DDX50: variants seen among roughly 807,000 people sequenced by gnomAD.
DDX50 encodes the protein DExD-box helicase 50.
In DDX50, 56 loss-of-function variants were observed where a neutral mutation model predicts 94.8. That is an observed-to-expected ratio of 0.59 (90% CI 0.48 to 0.74). The LOEUF (loss-of-function observed/expected upper bound fraction) is 0.74, where lower values mean the gene tolerates loss of function less well. DDX50 is among the 30% of genes least tolerant of loss of function. The probability of loss-of-function intolerance (pLI) is 0.00; values close to 1 mark genes in which losing one functional copy is unlikely to be tolerated. For synonymous variants in DDX50, 264 were observed against 295.4 expected (o/e 0.89, Z 1.09); for missense variants, 713 against 881.2 (o/e 0.81, Z 2.42).
chr10:68,944,314 C>T (rs890688107), intron 14 of DDX50, among the ~76,000 whole-genome samples: 5 of 151,888 alleles, frequency 3.3e-5, no homozygotes, highest in Admixed American at 1.3e-4. Context: ...AAAAAGTATT[C>T]CTGTGTATAC....
Position 68,919,871 on chromosome 10 carries a change from G to A in DDX50, c.1129G>A (p.Val377Ile). ...IQCHWSQRPA[V>I]IGDVLQVYSG... ...GTGTCATTGGTCTCAGAGGCCAGCA[G>A]TTATTGGAGATGTCCTTCAAGTCTA... is the stretch of plus-strand genomic sequence containing the variant. Residue 377 changes from valine to isoleucine, a missense_variant, in exon 8 of 15, where the codon GTT (valine) becomes ATT (isoleucine). Around this residue, in one of 2 missense-constraint regions of DDX50, gnomAD observed 428 missense variants for 602.3 expected, o/e 0.71. Transcript: ENST00000373585. The A allele has an allele frequency of 6.2e-7, 1 of 1,613,942 alleles. No homozygotes were observed. The highest frequency in any genetic ancestry group is 8.5e-7 in the Non-Finnish European group (1 of 1,179,896).
intron 1 of DDX50, among the ~76,000 whole-genome samples, chr10:68,901,690 C>T (rs1347367221): frequency 6.6e-6 from 1 of 152,184 alleles, no homozygotes; most frequent in Non-Finnish European, 1.5e-5. Flanking sequence ...CTCTCCTCCG[C>T]GTGGCCCCTC....
At chr10:68,904,882 A>G (rs781555459) in intron 1 of DDX50, among the ~76,000 whole-genome samples, 2 of 152,254 alleles carry the variant, frequency 1.3e-5, no homozygotes, top group African/African-American at 2.4e-5. Context: ...ATATTGTTCA[A>G]TTCTCACAGC....
Position 68,936,058 on chromosome 10 carries a change from C to T in DDX50, c.1574C>T (p.Ser525Phe). 6.2e-7 allele frequency: 1 copy of T among 1,610,244 alleles called. No individual in the cohort carries two copies. Among genetic ancestry groups the T allele is most frequent in the Non-Finnish European group, 8.5e-7 (1 of 1,178,592 alleles). The change falls in exon 11 of 15, where the codon TCT becomes TTT. Residue 525 changes from serine (S) to phenylalanine (F), a missense_variant. Transcript: ENST00000373585. ...GVPSTMDLVK[S>F]KSMDAIRSLA... ...CCTTCTACAATGGATTTAGTTAAAT[C>T]TAAAAGCATGGATGCCATCAGGTAT... is the stretch of plus-strand genomic sequence containing the variant.
intron 2 of DDX50, 49 bp from the exon 3 acceptor site, chr10:68,910,258 A>G (rs1841585942): frequency 2.2e-6 from 3 of 1,395,104 alleles, no homozygotes; most frequent in Non-Finnish European, 3.0e-6. Flanking sequence ...ACAGTAAATG[A>G]GGAAGAGTTG....
rs531381180 is a variant in DDX50, at chr10:68,938,585, G to A, written c.1755+1490G>A. Among the ~76,000 whole-genome samples, 5 of 152,328 alleles carry A rather than the reference G, an allele frequency of 3.3e-5. No homozygotes were observed. In the South Asian group the frequency reaches 1.0e-3, roughly 32 times the overall value. On this transcript the variant is annotated intron_variant, in intron 12 of 14. Transcript: ENST00000373585. ...TTGGGCAGCACATCCCTGTGATGGG[G>A]AGGAGGAAACAAAAAGGGCAGGGCA...
intron 7 of DDX50, among the ~76,000 whole-genome samples, chr10:68,915,031 A>C (rs1841742845): frequency 1.3e-5 from 2 of 151,654 alleles, no homozygotes; most frequent in Admixed American, 1.3e-4. Flanking sequence ...AAAAAAAAAA[A>C]AAAAAACCAC....
At chr10:68,935,008 C>T in intron 10 of DDX50, 90 bp downstream of exon 10, 1 of 1,447,926 alleles carries the variant, frequency 6.9e-7, no homozygotes, top group Non-Finnish European at 9.1e-7. Flanking sequence ...AGTAGGTCTT[C>T]ATAACTTTTC....
intron 11 of DDX50, 51 bp from the exon 12 acceptor site, chr10:68,936,885 C>G: frequency 2.7e-6 from 4 of 1,486,512 alleles, no homozygotes; most frequent in Non-Finnish European, 3.6e-6. Flanking sequence ...TTCTTCTTAT[C>G]TTTTATTTTT....
intron 8 of DDX50, among the ~76,000 whole-genome samples, chr10:68,931,426 T>TATATACACACAC (rs375773633): frequency 7.1e-5 from 6 of 84,844 alleles, no homozygotes; most frequent in Admixed American, 1.4e-4. Context: ...TATATATATA[T>TATATACACACAC]ACACAAACAC....
At chr10:68,902,442 C>A (rs532272938) in intron 1 of DDX50, among the ~76,000 whole-genome samples, 107 of 152,298 alleles carry the variant, frequency 7.0e-4, no homozygotes, top group African/African-American at 2.4e-3. Flanking sequence ...CTTGCCATTT[C>A]AGCTAACACT....
At chr10:68,926,772 G>GAT (rs1842099971) in intron 8 of DDX50, among the ~76,000 whole-genome samples, 1 of 126,466 alleles carries the variant, frequency 7.9e-6, no homozygotes, top group South Asian at 2.6e-4. Context: ...CTCACACAGA[G>GAT]ATACACACAC....
At position 68,915,414 on chromosome 10, in the gene DDX50, A is replaced by G. The variant is rs1472154628; in HGVS notation, c.1089+1210A>G. Among the ~76,000 whole-genome samples, 36 of 150,278 alleles carry G rather than the reference A, an allele frequency of 2.4e-4. 1 individual carries two copies. Among genetic ancestry groups the G allele is most frequent in the Non-Finnish European group, 8.9e-5 (6 of 67,608 alleles). ...GGTGACAGAGCGAGACTCTGTCTCA[A>G]AAAAAAATAAAAGAAAAAAAAGGCT... On this transcript the variant is annotated intron_variant, in intron 7 of 14. Transcript: ENST00000373585.
chr10:68,910,560 G>T (rs1018488350), intron 3 of DDX50, among the ~76,000 whole-genome samples, 178 bp downstream of exon 3: 2 of 152,144 alleles, frequency 1.3e-5, no homozygotes, highest in East Asian at 1.9e-4. Flanking sequence ...GTGCCACCAT[G>T]CCCGGCTAAG....
At chr10:68,917,225 C>T (rs752212702) in intron 7 of DDX50, among the ~76,000 whole-genome samples, 28 of 151,856 alleles carry the variant, frequency 1.8e-4, no homozygotes, top group African/African-American at 6.3e-4. Flanking sequence ...TTTGGGAGGA[C>T]GAGGATGGTA....
intron 7 of DDX50, among the ~76,000 whole-genome samples, chr10:68,918,749 C>G (rs747072896): frequency 1.3e-5 from 2 of 152,074 alleles, no homozygotes; most frequent in Admixed American, 6.6e-5. Flanking sequence ...TTTCTTTATC[C>G]GCTGTCAACC....
chr10:68,914,224 G>A lies in DDX50; in HGVS notation c.1089+20G>A, dbSNP rs751262464. ...GTGGAAGTAAGTAGCTTTCTAGCAT[G>A]ATAGATTTTAGCTTTTAGTTGGTAT... On this transcript the variant is annotated intron_variant, in intron 7 of 14. Transcript: ENST00000373585. 1.8e-5 allele frequency: 29 copies of A among 1,602,048 alleles called. No individual in the cohort carries two copies. The highest frequency in any genetic ancestry group is 2.4e-5 in the Non-Finnish European group (28 of 1,177,006).
intron 7 of DDX50, among the ~76,000 whole-genome samples, chr10:68,915,921 T>C (rs1483735170): frequency 6.6e-6 from 1 of 152,176 alleles, no homozygotes; most frequent in African/African-American, 2.4e-5. Flanking sequence ...TACAATGATG[T>C]ATACAAAAAT....
chr10:68,901,945 T>G (rs546524218), intron 1 of DDX50, among the ~76,000 whole-genome samples: 145 of 152,146 alleles, frequency 9.5e-4, no homozygotes, highest in Non-Finnish European at 1.8e-3. Flanking sequence ...CTGTAGAGGC[T>G]TAAGGAAAAG....
Sources: gnomAD v4.1 joint callset for allele counts (sites outside exome capture counted in the v4.1 genomes callset) on GRCh38, gnomAD v4.1.1 for gene constraint, gnomAD v4.1.1 regional missense constraint, MANE v1.5 for transcripts, NCBI Gene and HGNC (gene_info 2026-07-23, HGNC 2026-07-21) for gene names.